GARRE1: variants seen among roughly 807,000 people sequenced by gnomAD.
The protein encoded by GARRE1 is granule associated Rac and RHOG effector protein 1.
In GARRE1, 49 loss-of-function variants were observed where a neutral mutation model predicts 103.2. The observed-to-expected ratio is 0.47, with a 90% CI of 0.38 to 0.60. GARRE1 has a LOEUF of 0.60. GARRE1 is among the 20% of genes least tolerant of loss of function. The probability of loss-of-function intolerance (pLI) is 0.00; values close to 1 mark genes in which losing one functional copy is unlikely to be tolerated. For synonymous variants in GARRE1, 505 were observed against 532.8 expected, an observed-to-expected ratio of 0.95 and a Z score of 0.72; for missense variants, 1,199 against 1,370.5, an observed-to-expected ratio of 0.87 and a Z score of 1.98.
chr19:34,346,314 T>C (rs1343666661), intron 10 of GARRE1, among the ~76,000 whole-genome samples: 6 of 152,238 alleles, frequency 3.9e-5, no homozygotes, highest in African/African-American at 1.4e-4. Flanking sequence ...CTCCCATTTG[T>C]ACTGCCCTGT....
chr19:34,276,477 A>C (rs531289784), intron 1 of GARRE1, among the ~76,000 whole-genome samples: 4 of 152,128 alleles, frequency 2.6e-5, no homozygotes. Context: ...GTTTATGTAC[A>C]TATGTGTATA....
intron 1 of GARRE1, among the ~76,000 whole-genome samples, chr19:34,269,738 T>C (rs760449626): frequency 1.3e-5 from 2 of 152,146 alleles, no homozygotes; most frequent in African/African-American, 4.8e-5. Context: ...TTGTTTTGTT[T>C]TAGTAGCTAC....
chr19:34,263,468 A>G (rs1481120831), intron 1 of GARRE1, among the ~76,000 whole-genome samples: 1 of 146,994 alleles, frequency 6.8e-6, no homozygotes, highest in Non-Finnish European at 1.5e-5. Flanking sequence ...GTGTATATGT[A>G]TTTTCTTTTT....
intron 1 of GARRE1, among the ~76,000 whole-genome samples, chr19:34,273,641 T>A (rs566409430): frequency 8.5e-5 from 13 of 152,264 alleles, no homozygotes; most frequent in African/African-American, 2.9e-4. Context: ...AACCGGCAGT[T>A]GTGATCTAGC....
rs549982283 is a variant in GARRE1, at chr19:34,317,554, AC to A, written c.496-2350del. Among the ~76,000 whole-genome samples the A allele has an allele frequency of 2.5e-4, 38 of 152,086 alleles. No individual in the cohort carries two copies. In the South Asian group the frequency reaches 7.1e-3, roughly 28 times the overall value. ...TGCAGTGGGTGGGGAGATTGAGGAA[AC>A]CCTCAGCCTACACCAGTTAAGGTGG... is the stretch of plus-strand genomic sequence containing the variant. On this transcript the variant is annotated intron_variant, in intron 2 of 13. Transcript: ENST00000299505.
Position 34,324,071 on chromosome 19 carries a change from C to T in GARRE1, c.706-3350C>T, listed in dbSNP as rs189064294. Among the ~76,000 whole-genome samples, 190 of 152,296 alleles carry T rather than the reference C, an allele frequency of 1.2e-3. 1 individual carries two copies. Among genetic ancestry groups the T allele is most frequent in the Middle Eastern group, 3.4e-3 (1 of 294 alleles). Reference sequence around the variant, plus strand: ...GAGGTGCCCTCTCCTCCTGTCCAGGCTTGCCCCGTGCTGGCCTTGCCCCCA... The same window carrying T: ...GAGGTGCCCTCTCCTCCTGTCCAGGTTTGCCCCGTGCTGGCCTTGCCCCCA... On this transcript the variant is annotated intron_variant, in intron 3 of 13. Coordinates refer to ENST00000299505, the MANE Select transcript of GARRE1 (RefSeq NM_014686.5).
intron 2 of GARRE1, among the ~76,000 whole-genome samples, chr19:34,304,798 A>T (rs972543605): frequency 3.0e-4 from 44 of 146,970 alleles, no homozygotes; most frequent in South Asian, 6.5e-4. Flanking sequence ...TTATTTATTT[A>T]TTTATTTTTT....
rs929325329 is a variant in GARRE1, at chr19:34,320,242, G to A, written c.705+126G>A. On this transcript the variant is annotated intron_variant, in intron 3 of 13. Transcript: ENST00000299505. The stretch of plus-strand genomic sequence containing the variant: ...TGTACATTTTAAACTGTTATCATTG[G>A]CTTGTTCATTCATTTAACAGTGAAC... The A allele has an allele frequency of 1.5e-5, 12 of 817,316 alleles. No individual in the cohort carries two copies. The African/African-American group carries it at 1.7e-4, about 12-fold the overall frequency. The allele number at this position is 817,316 out of a possible 1,614,324, so 50.6% of individuals were successfully genotyped here.
chr19:34,260,385 T>C (rs2073709622), intron 1 of GARRE1, among the ~76,000 whole-genome samples: 2 of 152,262 alleles, frequency 1.3e-5, no homozygotes, highest in Admixed American at 1.3e-4. Context: ...ACTTGCTTCA[T>C]TGCGATATTC....
chr19:34,318,226 G>A (rs978146655), intron 2 of GARRE1, among the ~76,000 whole-genome samples: 2 of 152,242 alleles, frequency 1.3e-5, no homozygotes, highest in Non-Finnish European at 2.9e-5. Context: ...AACTGAGAGG[G>A]CGTGTGGCAA....
chr19:34,290,955 G>A (rs545341581), intron 1 of GARRE1, among the ~76,000 whole-genome samples: 5 of 113,898 alleles, frequency 4.4e-5, no homozygotes, highest in Middle Eastern at 8.3e-3. Flanking sequence ...CACCCAGGCT[G>A]GAGTGTAGTG....
intron 8 of GARRE1, among the ~76,000 whole-genome samples, chr19:34,339,253 A>G (rs751820675): frequency 1.3e-5 from 2 of 152,320 alleles, no homozygotes; most frequent in South Asian, 2.1e-4. Context: ...CTTCTAACCA[A>G]TCGGCTATAA....
chr19:34,296,376 G>A, intron 1 of GARRE1: 1 of 1,403,572 alleles, frequency 7.1e-7, no homozygotes, highest in South Asian at 1.2e-5. Context: ...CTTGGCCTTG[G>A]CCTTTAGCCG....
At position 34,342,171 on chromosome 19, in the gene GARRE1, C is replaced by T; in HGVS notation, c.2237C>T (p.Pro746Leu). The part of the protein sequence containing the change: ...HLLQPIGPQQ[P>L]PPQPRAPGKW... ...CTCCAGCCCATTGGACCGCAGCAGC[C>T]CCCGCCCCAGCCTCGGGCACCTGGG... is the stretch of plus-strand genomic sequence containing the variant. Residue 746 changes from proline (P) to leucine (L), a missense_variant, in exon 10 of 14, where the codon CCC becomes CTC. Pro to Leu is a moderately conservative substitution (Grantham distance 98, BLOSUM62 -3). Transcript: ENST00000299505. 4.3e-6 allele frequency: 7 copies of T among 1,614,152 alleles called. No individual in the cohort carries two copies. The highest frequency in any genetic ancestry group is 1.1e-5 in the South Asian group (1 of 91,082).
chr19:34,335,029 C>T (rs940341095), intron 8 of GARRE1, among the ~76,000 whole-genome samples: 1 of 150,760 alleles, frequency 6.6e-6, no homozygotes, highest in Non-Finnish European at 1.5e-5. Context: ...GGTGACAGAG[C>T]GAGACTCCGT....
intron 1 of GARRE1, among the ~76,000 whole-genome samples, chr19:34,276,958 A>G (rs924136674): frequency 2.0e-5 from 3 of 152,208 alleles, no homozygotes; most frequent in African/African-American, 7.2e-5. Flanking sequence ...ATAAGACAGC[A>G]TTGTAGGGGT....
At chr19:34,271,245 C>CTTTTTTTT (rs1199086211) in intron 1 of GARRE1, among the ~76,000 whole-genome samples, 2 of 105,688 alleles carry the variant, frequency 1.9e-5, no homozygotes, top group African/African-American at 3.5e-5. Flanking sequence ...TGTGCACTTT[C>CTTTTTTTT]TTTTTTTTTT....
chr19:34,329,740 G>A (rs1328496370), intron 6 of GARRE1, among the ~76,000 whole-genome samples: 1 of 152,078 alleles, frequency 6.6e-6, no homozygotes, highest in African/African-American at 2.4e-5. Context: ...GGAGGCTGAG[G>A]CAGAAGAATT....
chr19:34,272,374 T>G (rs1476266955), intron 1 of GARRE1, among the ~76,000 whole-genome samples: 1 of 152,116 alleles, frequency 6.6e-6, no homozygotes, highest in African/African-American at 2.4e-5. Flanking sequence ...AATTTTTGTA[T>G]TTTTAGTAGA....
Sources: allele counts gnomAD v4.1 joint callset (sites outside exome capture counted in the v4.1 genomes callset), GRCh38; gene constraint gnomAD v4.1.1; transcripts MANE v1.5; gene names NCBI Gene and HGNC (gene_info 2026-07-23, HGNC 2026-07-21).